The following CFAP46 variants were observed in gnomAD, a reference collection of about 807,000 sequenced individuals.
The protein encoded by CFAP46 is cilia- and flagella-associated protein 46.
A neutral mutation model predicts 325.7 loss-of-function variants in CFAP46; 245 were observed. That is an observed-to-expected ratio of 0.75 (90% CI 0.68 to 0.84). CFAP46 has a LOEUF of 0.84. CFAP46 is among the 40% of genes least tolerant of loss of function. The probability of loss-of-function intolerance (pLI) is 0.00; values close to 1 mark genes in which losing one functional copy is unlikely to be tolerated. For synonymous variants in CFAP46, 1,523 were observed against 1,495.9 expected (o/e 1.02, Z -0.42); for missense variants, 3,346 against 3,543.0 (o/e 0.94, Z 1.41).
intron 35 of CFAP46, among the ~76,000 whole-genome samples, chr10:132,862,259 G>A (rs1039617888): frequency 6.6e-6 from 1 of 152,212 alleles, no homozygotes; most frequent in Admixed American, 6.5e-5. Context: ...CAGAGAGAAG[G>A]GCTGGCAAGG....
At chr10:132,927,781 G>A (rs1393546116) in intron 9 of CFAP46, among the ~76,000 whole-genome samples, 1 of 152,216 alleles carries the variant, frequency 6.6e-6, no homozygotes, top group African/African-American at 2.4e-5. Context: ...ATGCACCAAG[G>A]CTTCAAAATT....
At chr10:132,831,532 C>CT (rs1403171888) in intron 50 of CFAP46, among the ~76,000 whole-genome samples, 1 of 152,150 alleles carries the variant, frequency 6.6e-6, no homozygotes, top group African/African-American at 2.4e-5. Context: ...ATGAACTCCA[C>CT]CTTTTTCTAA....
intron 54 of CFAP46, 105 bp from the exon 55 acceptor site, chr10:132,813,002 C>A: frequency 1.3e-6 from 1 of 770,826 alleles, no homozygotes; most frequent in East Asian, 2.5e-5. Flanking sequence ...ACGCCTGTCC[C>A]ATTTGTGCAT....
intron 17 of CFAP46, among the ~76,000 whole-genome samples, chr10:132,914,786 G>A (rs1350906000): frequency 3.5e-5 from 5 of 141,696 alleles, no homozygotes; most frequent in Non-Finnish European, 7.7e-5. Flanking sequence ...ACTGCACCCC[G>A]GCCCGAGGCT....
At position 132,847,534 on chromosome 10, in the gene CFAP46, AC is replaced by A. The variant is rs1215610173; in HGVS notation, c.5953-214del. ...CTGACCCGTGAGCCTGGGCAAGGGG[AC>A]GCTGGAGCCTGGGCGAGGGGATGCT... On this transcript the variant is annotated intron_variant, in intron 41 of 57. Coordinates refer to ENST00000368586, the MANE Select transcript of CFAP46 (RefSeq NM_001200049.3). This position sits in a 1 kb window ranked among gnomAD's most constrained non-coding sequence, Gnocchi z 5.2. Among the ~76,000 whole-genome samples the A allele has an allele frequency of 6.6e-6, 1 of 151,522 alleles. No individual in the cohort carries two copies. Among genetic ancestry groups the A allele is most frequent in the African/African-American group, 2.4e-5 (1 of 41,390 alleles).
intron 50 of CFAP46, among the ~76,000 whole-genome samples, chr10:132,820,338 G>A (rs1041962330): frequency 3.3e-5 from 5 of 151,266 alleles, no homozygotes; most frequent in Non-Finnish European, 5.9e-5. Context: ...GGTGGCTGAC[G>A]GGGGCTGGGG....
At chr10:132,920,211 T>TG in intron 13 of CFAP46, 29 bp from the exon 14 acceptor site, 1 of 1,510,614 alleles carries the variant, frequency 6.6e-7, no homozygotes. Context: ...AGGCAGGTGT[T>TG]GCAGCTGCTG....
Position 132,808,631 on chromosome 10 carries a change from G to C in CFAP46, c.7938C>G (p.Ala2646=), listed in dbSNP as rs754499555. The C allele has an allele frequency of 2.5e-6, 4 of 1,608,514 alleles. No individual in the cohort carries two copies. The highest frequency in any genetic ancestry group is 3.4e-6 in the Non-Finnish European group (4 of 1,177,698). The change falls in exon 58 of 58, where the codon GCC becomes GCG. Residue 2646 remains alanine, a synonymous_variant. Transcript: ENST00000368586. The surrounding 1 kb of genome is among the most constrained non-coding windows in gnomAD (Gnocchi z 6.8). The part of the protein sequence containing the change: ...FLGLSPALGA[A]SARDPPPATS... ...TCGCTGGGGGAGGGTCCCTGGCTGA[G>C]GCTGCACCAAGGGCTGGGGAGAGGC...
At position 132,877,904 on chromosome 10, in the gene CFAP46, C is replaced by T. The variant is rs898628544; in HGVS notation, c.4189G>A (p.Glu1397Lys). 8.8e-5 allele frequency: 136 copies of T among 1,543,478 alleles called. No homozygotes were observed. In the Middle Eastern group the frequency reaches 9.1e-4, roughly 10 times the overall value. ...KEKDKEKGKE[E>K]KVKEPKQSQS... ...ACCTGCTTGGGCTCCTTGACTTTCT[C>T]CTCCTTTCCCTTCTCCTTGTCCTTC... is the stretch of plus-strand genomic sequence containing the variant. The change falls in exon 30 of 58, where the codon GAG becomes AAG. Residue 1397 changes from glutamate to lysine, a missense_variant. Coordinates refer to ENST00000368586, the MANE Select transcript of CFAP46 (RefSeq NM_001200049.3). The surrounding 1 kb of genome is among the most constrained non-coding windows in gnomAD (Gnocchi z 5.7).
chr10:132,840,180 T>C (rs1487775802), intron 44 of CFAP46, among the ~76,000 whole-genome samples: 2 of 152,230 alleles, frequency 1.3e-5, no homozygotes, highest in Non-Finnish European at 2.9e-5. Context: ...TACGCTTCTG[T>C]TGGCTTTGGT....
chr10:132,922,304 C>CT, intron 12 of CFAP46, 80 bp from the exon 13 acceptor site: 1 of 1,501,320 alleles, frequency 6.7e-7, no homozygotes, highest in Non-Finnish European at 8.9e-7. Context: ...GCCTCCTGGC[C>CT]TTTGGCAGGG....
At chr10:132,834,190 A>T in intron 48 of CFAP46, 67 bp from the exon 49 acceptor site, 1 of 1,423,556 alleles carries the variant, frequency 7.0e-7, no homozygotes. Context: ...TATAGGCGAC[A>T]CCTGCTCAGC....
intron 50 of CFAP46, among the ~76,000 whole-genome samples, chr10:132,824,013 CTGTGTGCTGTG>C (rs1564767706): frequency 2.2e-5 from 2 of 90,464 alleles, no homozygotes; most frequent in African/African-American, 4.8e-5. Context: ...TGTGTGTGTG[CTGTGTGCTGTG>C]TGAGTGCTGA....
chr10:132,857,044 C>T (rs1003882752), intron 39 of CFAP46, among the ~76,000 whole-genome samples: 4 of 152,190 alleles, frequency 2.6e-5, no homozygotes, highest in South Asian at 2.1e-4. Context: ...CTGCTTTGCC[C>T]GATGCCCCAG....
At chr10:132,942,255 G>A (rs1470347908) in intron 1 of CFAP46, among the ~76,000 whole-genome samples, 151 bp from the exon 2 acceptor site, 2 of 152,176 alleles carry the variant, frequency 1.3e-5, no homozygotes, top group Non-Finnish European at 2.9e-5. Flanking sequence ...CAGCGGTGTG[G>A]GCGCCTTCCT....
chr10:132,812,258 C>T (rs1262383412), intron 55 of CFAP46, among the ~76,000 whole-genome samples: 1 of 152,248 alleles, frequency 6.6e-6, no homozygotes, highest in Non-Finnish European at 1.5e-5. Flanking sequence ...CCCTGCCATC[C>T]CCACCTCCTG....
chr10:132,918,019 T>C (rs1172861524), intron 16 of CFAP46, among the ~76,000 whole-genome samples: 11 of 20 alleles, frequency 0.55, 1 homozygote, highest in African/African-American at 0.55. Context: ...TCAGCACCGA[T>C]GAACCCCCCT....
At chr10:132,913,633 A>T (rs1352878564) in intron 17 of CFAP46, among the ~76,000 whole-genome samples, 1 of 152,174 alleles carries the variant, frequency 6.6e-6, no homozygotes, top group East Asian at 1.9e-4. Flanking sequence ...TCTCCCACGA[A>T]ACCAGTCCCT....
chr10:132,822,254 ATGTGTGCTGTG>A (rs148646977), intron 50 of CFAP46, among the ~76,000 whole-genome samples: 34,267 of 94,642 alleles, frequency 0.36, 5,146 homozygotes, highest in Admixed American at 0.51. Context: ...GTGTGCGCTG[ATGTGTGCTGTG>A]TGTGTGCTGT....
Sources: allele counts gnomAD v4.1 joint callset (sites outside exome capture counted in the v4.1 genomes callset), GRCh38; gene constraint gnomAD v4.1.1; non-coding constraint Gnocchi (gnomAD v3.1); transcripts MANE v1.5; gene names NCBI Gene and HGNC (gene_info 2026-07-23, HGNC 2026-07-21).